SAMD5: variants seen among roughly 807,000 people sequenced by gnomAD.
SAMD5 encodes sterile alpha motif domain containing 5.
In SAMD5, 13 loss-of-function variants were observed where a neutral mutation model predicts 11.3. The observed-to-expected ratio is 1.15, with a 90% CI of 0.75 to 1.83. The LOEUF (loss-of-function observed/expected upper bound fraction) is 1.83, where lower values mean the gene tolerates loss of function less well. Ranked by LOEUF, SAMD5 falls within the 40% of genes most tolerant of loss-of-function variation. The probability of loss-of-function intolerance (pLI) is 0.00; values close to 1 mark genes in which losing one functional copy is unlikely to be tolerated. For synonymous variants in SAMD5, 129 were observed against 111.3 expected, an observed-to-expected ratio of 1.16 and a Z score of -1.00; for missense variants, 255 against 239.1, an observed-to-expected ratio of 1.07 and a Z score of -0.44.
At chr6:147,693,540 A>G (rs1314189484) in intron 1 of SAMD5, among the ~76,000 whole-genome samples, 1 of 152,252 alleles carries the variant, frequency 6.6e-6, no homozygotes, top group Non-Finnish European at 1.5e-5. Context: ...ATAATAATCT[A>G]TTTATAACAG....
chr6:147,916,459 A>G, the SAMD5 span, among the ~76,000 whole-genome samples: 1 of 152,180 alleles, frequency 6.6e-6, no homozygotes, highest in Non-Finnish European at 1.5e-5. Context: ...CAGGTGTGAG[A>G]TGGTATCTCA....
At chr6:147,583,712 A>G (rs1789333560) in intron 1 of SAMD5, among the ~76,000 whole-genome samples, 1 of 152,086 alleles carries the variant, frequency 6.6e-6, no homozygotes, top group South Asian at 2.1e-4. Context: ...ACCTGTTGCC[A>G]TTCTGCCCCA....
At chr6:147,758,794 G>C in the SAMD5 span, among the ~76,000 whole-genome samples, 1 of 152,028 alleles carries the variant, frequency 6.6e-6, no homozygotes, top group Non-Finnish European at 1.5e-5. Context: ...GGCCTGCTTC[G>C]GTTCCTTCCC....
At chr6:147,863,209 A>C in the SAMD5 span, among the ~76,000 whole-genome samples, 1 of 152,298 alleles carries the variant, frequency 6.6e-6, no homozygotes, top group South Asian at 2.1e-4. Flanking sequence ...GAGACTGGGC[A>C]TCTTTACAGT....
the SAMD5 span, among the ~76,000 whole-genome samples, chr6:147,765,677 G>A: frequency 7.2e-3 from 1,099 of 152,300 alleles, 18 homozygotes; most frequent in African/African-American, 0.025. Context: ...ACCTAGGGAC[G>A]TCGGAACTGC....
the SAMD5 span, among the ~76,000 whole-genome samples, chr6:147,937,108 A>G: frequency 6.6e-6 from 1 of 152,180 alleles, no homozygotes; most frequent in African/African-American, 2.4e-5. Flanking sequence ...ATCCTCAACA[A>G]CTGAGATAAT....
chr6:147,595,068 A>G (rs974042731), intron 1 of SAMD5, among the ~76,000 whole-genome samples: 4 of 152,202 alleles, frequency 2.6e-5, no homozygotes, highest in Non-Finnish European at 4.4e-5. Context: ...ATGTGTTAGA[A>G]TAAGTTTCAT....
chr6:147,849,878 G>T, the SAMD5 span, among the ~76,000 whole-genome samples: 1 of 152,198 alleles, frequency 6.6e-6, no homozygotes, highest in African/African-American at 2.4e-5. Flanking sequence ...TCTGCATGCA[G>T]CTGTATTCAA....
the SAMD5 span, among the ~76,000 whole-genome samples, chr6:147,909,632 C>CTTTCTTTCTTTCTTTCTTTCTT: frequency 2.1e-3 from 127 of 61,172 alleles, 13 homozygotes; most frequent in Middle Eastern, 8.8e-3. Context: ...TTCTTTCTTT[C>CTTTCTTTCTTTCTTTCTTTCTT]TCTTTCTTGT....
At chr6:147,529,186 C>T (rs1045715428) in intron 1 of SAMD5, among the ~76,000 whole-genome samples, 1 of 152,198 alleles carries the variant, frequency 6.6e-6, no homozygotes, top group African/African-American at 2.4e-5. Flanking sequence ...GATCTATTCA[C>T]AGGCATGTTA....
At chr6:147,652,539 A>G (rs1021884998) in intron 1 of SAMD5, among the ~76,000 whole-genome samples, 72 of 152,146 alleles carry the variant, frequency 4.7e-4, no homozygotes, top group African/African-American at 1.7e-3. Context: ...TGGTCTAGAC[A>G]TGTGAGACAC....
the SAMD5 span, among the ~76,000 whole-genome samples, chr6:147,952,635 C>A: frequency 6.6e-6 from 1 of 152,126 alleles, no homozygotes; most frequent in East Asian, 1.9e-4. Context: ...CTCAGCCTCC[C>A]TAGTAGCTGG....
intron 1 of SAMD5, among the ~76,000 whole-genome samples, chr6:147,633,833 C>A (rs1167450302): frequency 6.6e-6 from 1 of 151,592 alleles, no homozygotes; most frequent in Non-Finnish European, 1.5e-5. Context: ...AGATAGAATT[C>A]ACATACCATA....
the SAMD5 span, among the ~76,000 whole-genome samples, chr6:147,787,047 A>G: frequency 1.3e-5 from 2 of 152,222 alleles, no homozygotes. Flanking sequence ...AAGTATAAGG[A>G]GTTTAGCCAG....
At chr6:147,836,338 T>G in the SAMD5 span, among the ~76,000 whole-genome samples, 1 of 152,216 alleles carries the variant, frequency 6.6e-6, no homozygotes, top group African/African-American at 2.4e-5. Context: ...TGTACTTACA[T>G]TAAGACATAT....
At chr6:147,607,459 T>C (rs528529943) in intron 1 of SAMD5, among the ~76,000 whole-genome samples, 2 of 152,216 alleles carry the variant, frequency 1.3e-5, no homozygotes, top group East Asian at 3.9e-4. Context: ...CAAAACAGCA[T>C]GGTACTGGCA....
At chr6:147,581,031 C>T (rs1486910919) in intron 1 of SAMD5, among the ~76,000 whole-genome samples, 1 of 152,114 alleles carries the variant, frequency 6.6e-6, no homozygotes, top group Non-Finnish European at 1.5e-5. Flanking sequence ...CTCTTTTTCT[C>T]TTTTCTCCAA....
At chr6:147,910,284 G>A in the SAMD5 span, among the ~76,000 whole-genome samples, 1 of 152,204 alleles carries the variant, frequency 6.6e-6, no homozygotes, top group Non-Finnish European at 1.5e-5. Context: ...AGGTGCTAGG[G>A]CTCCTGGCAA....
intron 1 of SAMD5, among the ~76,000 whole-genome samples, chr6:147,605,899 G>T (rs1052253634): frequency 6.6e-6 from 1 of 152,044 alleles, no homozygotes; most frequent in African/African-American, 2.4e-5. Context: ...CATGGGGTAT[G>T]TTTGAGGCAC....
Sources: gnomAD v4.1 joint callset for allele counts (sites outside exome capture counted in the v4.1 genomes callset) on GRCh38, gnomAD v4.1.1 for gene constraint, MANE v1.5 for transcripts, NCBI Gene and HGNC (gene_info 2026-07-23, HGNC 2026-07-21) for gene names.